The following TTLL11 variants were observed in gnomAD, a reference collection of about 807,000 sequenced individuals.
The protein encoded by TTLL11 is tubulin polyglutamylase TTLL11.
A neutral mutation model predicts 51.7 loss-of-function variants in TTLL11; 42 were observed. The observed-to-expected ratio is 0.81, with a 90% CI of 0.64 to 1.05. TTLL11 has a LOEUF of 1.05. Among genes scored for constraint, TTLL11 ranks in the 50% least tolerant of loss-of-function variants. TTLL11 has a pLI of 0.00. For missense variants in TTLL11, 799 were observed against 940.4 expected (o/e 0.85, Z 1.97); for synonymous variants, 381 against 383.5 (o/e 0.99, Z 0.08).
At chr9:121,935,942 A>C (rs1159877799) in intron 6 of TTLL11, among the ~76,000 whole-genome samples, 1 of 152,046 alleles carries the variant, frequency 6.6e-6, no homozygotes, top group East Asian at 1.9e-4. Context: ...AGGTACCCGG[A>C]CCCTCTCCTG....
intron 3 of TTLL11, among the ~76,000 whole-genome samples, chr9:121,994,355 G>A (rs55654564): frequency 0.034 from 5,243 of 152,244 alleles, 309 homozygotes; most frequent in African/African-American, 0.12. Context: ...ATTGGCAGGG[G>A]CCAGATAATA....
intron 6 of TTLL11, among the ~76,000 whole-genome samples, chr9:121,922,759 C>CTGTGTGTG (rs1196065995): frequency 3.7e-4 from 16 of 42,884 alleles, no homozygotes; most frequent in Non-Finnish European, 8.7e-4. Context: ...AATATCTATT[C>CTGTGTGTG]AGTGTGTGTG....
intron 6 of TTLL11, among the ~76,000 whole-genome samples, chr9:121,893,245 TCA>T (rs1047321066): frequency 1.3e-5 from 2 of 151,804 alleles, no homozygotes; most frequent in Non-Finnish European, 2.9e-5. Context: ...GGGAAAAAAA[TCA>T]CAGTTTATTC....
At chr9:121,873,350 C>T (rs563680426) in intron 6 of TTLL11, among the ~76,000 whole-genome samples, 17 of 146,406 alleles carry the variant, frequency 1.2e-4, no homozygotes, top group Non-Finnish European at 1.8e-4. Flanking sequence ...ATCCACTGCT[C>T]TTTCTATTTT....
chr9:121,964,257 A>C (rs544017140), intron 6 of TTLL11, among the ~76,000 whole-genome samples: 6 of 151,766 alleles, frequency 4.0e-5, no homozygotes, highest in African/African-American at 1.4e-4. Flanking sequence ...AAAAAATCAC[A>C]CACAAAAACA....
intron 8 of TTLL11, among the ~76,000 whole-genome samples, chr9:121,838,781 A>AAGCAAGC (rs1837259775): frequency 7.8e-4 from 109 of 139,998 alleles, no homozygotes; most frequent in East Asian, 3.3e-3. Flanking sequence ...AGCAAGCAAG[A>AAGCAAGC]AAGCAAGCAA....
At chr9:121,902,628 G>C (rs918958192) in intron 6 of TTLL11, among the ~76,000 whole-genome samples, 1 of 151,774 alleles carries the variant, frequency 6.6e-6, no homozygotes, top group Non-Finnish European at 1.5e-5. Flanking sequence ...GGATGTTGAC[G>C]GGTTTATCTC....
At chr9:122,087,104 C>T (rs1411203885) in intron 1 of TTLL11, among the ~76,000 whole-genome samples, 1 of 152,224 alleles carries the variant, frequency 6.6e-6, no homozygotes, top group Admixed American at 6.5e-5. Context: ...TGTACCGGCC[C>T]CTCTCTAAGC....
chr9:121,903,550 T>G (rs1235024333), intron 6 of TTLL11, among the ~76,000 whole-genome samples: 1 of 152,216 alleles, frequency 6.6e-6, no homozygotes, highest in Non-Finnish European at 1.5e-5. Flanking sequence ...TCTTCTGTTT[T>G]CTTATCCTTA....
intron 6 of TTLL11, among the ~76,000 whole-genome samples, chr9:121,877,571 C>G (rs1319185255): frequency 6.6e-6 from 1 of 152,192 alleles, no homozygotes; most frequent in East Asian, 1.9e-4. Flanking sequence ...AAACCCCGGT[C>G]AGGCCACTTC....
chr9:122,006,071 G>A (rs1031318991), intron 3 of TTLL11, among the ~76,000 whole-genome samples: 19 of 152,194 alleles, frequency 1.2e-4, no homozygotes, highest in Non-Finnish European at 2.5e-4. Flanking sequence ...CAGGCACAGC[G>A]GCTCACGCCT....
chr9:121,912,391 C>T (rs541848353), intron 6 of TTLL11, among the ~76,000 whole-genome samples: 18 of 151,850 alleles, frequency 1.2e-4, no homozygotes, highest in African/African-American at 3.9e-4. Context: ...CCCCCGCCCC[C>T]GTCCAGCAAT....
chr9:121,955,711 G>C (rs1841996284), intron 6 of TTLL11, among the ~76,000 whole-genome samples: 2 of 152,132 alleles, frequency 1.3e-5, no homozygotes, highest in South Asian at 4.1e-4. Context: ...GTATTGCTTT[G>C]ACCTCCATTT....
chr9:121,898,972 C>T (rs770196036), intron 6 of TTLL11, among the ~76,000 whole-genome samples: 13 of 152,166 alleles, frequency 8.5e-5, no homozygotes, highest in Non-Finnish European at 1.6e-4. Context: ...CCTGATAACT[C>T]GGGAAATCTT....
intron 6 of TTLL11, among the ~76,000 whole-genome samples, chr9:121,938,578 A>G (rs575107778): frequency 3.2e-4 from 48 of 152,306 alleles, no homozygotes; most frequent in African/African-American, 1.1e-3. Flanking sequence ...GCATTTCTAC[A>G]AATAAGAAAT....
chr9:121,988,165 A>G (rs770605845), intron 4 of TTLL11, among the ~76,000 whole-genome samples: 99 of 150,802 alleles, frequency 6.6e-4, no homozygotes, highest in Non-Finnish European at 1.8e-4. Context: ...AGATCTGTCT[A>G]TCCCCCCTAC....
intron 6 of TTLL11, among the ~76,000 whole-genome samples, chr9:121,961,791 C>T (rs1390222385): frequency 6.6e-6 from 1 of 152,226 alleles, no homozygotes; most frequent in Non-Finnish European, 1.5e-5. Flanking sequence ...TGCCATGGCT[C>T]ACACCTGTAA....
At chr9:122,077,276 T>C (rs1294111301) in intron 1 of TTLL11, among the ~76,000 whole-genome samples, 1 of 152,078 alleles carries the variant, frequency 6.6e-6, no homozygotes. Context: ...AACGCCTAAT[T>C]TGTGAAGTTC....
intron 8 of TTLL11, among the ~76,000 whole-genome samples, chr9:121,850,891 G>A (rs1009822313): frequency 6.6e-6 from 1 of 152,156 alleles, no homozygotes; most frequent in African/African-American, 2.4e-5. Flanking sequence ...ACCCACGCAC[G>A]AATGTTTATA....
Sources: allele counts gnomAD v4.1 joint callset (sites outside exome capture counted in the v4.1 genomes callset), GRCh38; gene constraint gnomAD v4.1.1; transcripts MANE v1.5; gene names NCBI Gene and HGNC (gene_info 2026-07-23, HGNC 2026-07-21).